The following AKAP4 variants were observed in gnomAD, a reference collection of about 807,000 sequenced individuals.
AKAP4 encodes A-kinase anchor protein 4.
A neutral mutation model predicts 42.6 loss-of-function variants in AKAP4; 4 were observed. That is an observed-to-expected ratio of 0.09 (90% CI 0.05 to 0.22). AKAP4 has a LOEUF of 0.22. AKAP4 is among the 10% of genes least tolerant of loss of function. The pLI, the probability that AKAP4 is intolerant of heterozygous loss-of-function variation, is 1.00. For missense variants in AKAP4, 551 were observed against 630.7 expected, an observed-to-expected ratio of 0.87 and a Z score of 1.35; for synonymous variants, 223 against 233.0, an observed-to-expected ratio of 0.96 and a Z score of 0.39.
rs1935153225 is a variant in AKAP4, at chrX:50,193,919, G to A, written c.794C>T (p.Thr265Ile). The A allele has an allele frequency of 8.3e-7, 1 of 1,211,950 alleles. No individual in the cohort carries two copies. Among genetic ancestry groups the A allele is most frequent in the African/African-American group, 1.7e-5 (1 of 57,897 alleles). ...PGNKERISPR[T>I]PASKIASEMA... ...TTCAGAAGCAATCTTGCTCGCAGGA[G>A]TTCGGGGACTGATTCTCTCTTTGTT... The change falls in exon 5 of 6, where the codon ACT becomes ATT. Residue 265 changes from threonine (T) to isoleucine (I), a missense_variant. By Grantham distance (89) the Thr-to-Ile change is moderately conservative. Coordinates refer to ENST00000358526, the MANE Select transcript of AKAP4 (RefSeq NM_003886.3).
chrX:50,193,090 G>T lies in AKAP4; in HGVS notation c.1623C>A (p.Ala541=). The T allele has an allele frequency of 8.3e-7, 1 of 1,211,775 alleles. No homozygotes were observed. The highest frequency in any genetic ancestry group is 1.8e-5 in the South Asian group (1 of 57,003). ...EKINASTDSL[A]KDLIVSALKL... is the part of the protein sequence containing the mutation. Reference sequence around the variant, plus strand: ...TAAGGGCAGAGACAATCAGGTCCTTGGCCAGTGAATCTGTGGAAGCATTGA... The same window carrying T: ...TAAGGGCAGAGACAATCAGGTCCTTTGCCAGTGAATCTGTGGAAGCATTGA... Residue 541 remains alanine (A), a synonymous_variant, in exon 5 of 6, where the codon GCC becomes GCA. Coordinates refer to ENST00000358526, the MANE Select transcript of AKAP4 (RefSeq NM_003886.3).
At chrX:50,191,162 G>A (rs1935104009) in intron 5 of AKAP4, 47 bp from the exon 6 acceptor site, 1 of 1,183,193 alleles carries the variant, frequency 8.5e-7, no homozygotes, top group Admixed American at 2.3e-5. Context: ...GCTTTTTGGA[G>A]GAAAGACCTG....
Position 50,192,621 on chromosome X carries a change from C to T in AKAP4, c.2092G>A (p.Asp698Asn). ...GMKQANGQFI[D>N]KLVESVMKLC... ...TTCATCACAGATTCTACTAGTTTAT[C>T]TATAAATTGCCCGTTCGCTTGCTTC... Residue 698 changes from aspartate to asparagine, a missense_variant, in exon 5 of 6, where the codon GAT becomes AAT. Physicochemically the swap from Asp to Asn is conservative, Grantham distance 23 (BLOSUM62 1). Coordinates refer to ENST00000358526, the MANE Select transcript of AKAP4 (RefSeq NM_003886.3). 8.3e-7 allele frequency: 1 copy of T among 1,211,358 alleles called. No individual in the cohort carries two copies. Among genetic ancestry groups the T allele is most frequent in the Non-Finnish European group, 1.1e-6 (1 of 895,544 alleles).
Position 50,196,957 on chromosome X carries a change from G to A in AKAP4, c.210C>T (p.Asn70=), listed in dbSNP as rs782180406. ...AASSSSEGNL[N]LGSLEEKEII... ...TCTCTTTTTCTTCCAGACTTCCCAG[G>A]TTTAAGTTGCCTTCTGAGCTGGAAC... Residue 70 remains asparagine (N), a synonymous_variant, in exon 4 of 6, where the codon AAC becomes AAT. Transcript: ENST00000358526. 7.4e-6 allele frequency: 9 copies of A among 1,209,174 alleles called. No individual in the cohort carries two copies. The highest frequency in any genetic ancestry group is 1.0e-5 in the Non-Finnish European group (9 of 893,320).
At chrX:50,195,664 A>G (rs782095188) in intron 4 of AKAP4, among the ~76,000 whole-genome samples, 18 of 111,700 alleles carry the variant, frequency 1.6e-4, no homozygotes, top group Non-Finnish European at 2.8e-4. Context: ...GTCATTGTTT[A>G]TGATCAGTTT....
Position 50,190,863 on chromosome X carries a change from T to C in AKAP4, c.*97A>G. 3 of 1,019,323 alleles carry C rather than the reference T, an allele frequency of 2.9e-6. No individual in the cohort carries two copies. The highest frequency in any genetic ancestry group is 4.0e-6 in the Non-Finnish European group (3 of 740,893). The allele number at this position is 1,019,323 out of a possible 1,213,427, so 84.0% of individuals were successfully genotyped here. On this transcript the variant is annotated 3_prime_UTR_variant, in exon 6 of 6. Coordinates refer to ENST00000358526, the MANE Select transcript of AKAP4 (RefSeq NM_003886.3). ...GCTCAAGTGTATTGGGAAATACAGT[T>C]GTGTATTGTGCAGTTGACTGGCCTG...
intron 5 of AKAP4, among the ~76,000 whole-genome samples, chrX:50,192,080 G>A (rs1412271583): frequency 9.0e-6 from 1 of 110,931 alleles, no homozygotes; most frequent in African/African-American, 3.3e-5. Context: ...GATGAAATGC[G>A]TTAATCTCAC....
At chrX:50,194,493 AT>A in intron 4 of AKAP4, 57 bp from the exon 5 acceptor site, 1 of 972,408 alleles carries the variant, frequency 1.0e-6, no homozygotes, top group Non-Finnish European at 1.4e-6. Flanking sequence ...TTTTTCCCTT[AT>A]TTTATTTAGA....
rs141513690 is a variant in AKAP4, at chrX:50,193,826, C to G, written c.887G>C (p.Gly296Ala). Residue 296 changes from glycine (G) to alanine (A), a missense_variant, in exon 5 of 6, where the codon GGT becomes GCT. Physicochemically the swap from Gly to Ala is moderately conservative, Grantham distance 60. Transcript: ENST00000358526. ...GCTATATAGAAAGCTTTTCTGGCCA[C>G]CTTCCCTGGACTCCTCTCCAGTGCC... Reference protein sequence around the residue: ...MRGTGEESREGGQKSFLYSEL... With the variant: ...MRGTGEESREAGQKSFLYSEL... 1.7e-6 allele frequency: 2 copies of G among 1,211,598 alleles called. No homozygotes were observed. The highest frequency in any genetic ancestry group is 1.1e-6 in the Non-Finnish European group (1 of 895,484).
rs781814079 is a variant in AKAP4 at position 50,193,396 on chromosome X, C to A, written c.1317G>T (p.Lys439Asn). 5 of 1,211,614 alleles carry A rather than the reference C, an allele frequency of 4.1e-6. No individual in the cohort carries two copies. Among genetic ancestry groups the A allele is most frequent in the Non-Finnish European group, 5.6e-6 (5 of 895,475 alleles). The change falls in exon 5 of 6, where the codon AAG becomes AAT. Residue 439 changes from lysine (K) to asparagine (N), a missense_variant. Coordinates refer to ENST00000358526, the MANE Select transcript of AKAP4 (RefSeq NM_003886.3). ...RLVSALIGEE[K>N]ETKSQSLSYA... ...ATGACAGACTCTGAGACTTAGTCTC[C>A]TTCTCCTCACCTATAAGGGCACTGA...
chrX:50,191,659 T>A (rs201108518), intron 5 of AKAP4, among the ~76,000 whole-genome samples: 9,176 of 43,337 alleles, frequency 0.21, 452 homozygotes, highest in Middle Eastern at 0.26. Context: ...TGTGTGTGTG[T>A]GAGAGAGAGA....
In AKAP4 at chrX:50,192,838, A is replaced by C; in HGVS notation, c.1875T>G (p.Asp625Glu). ...ENQHLDSQKM[D>E]MSNIVLMLIQ... ...TCAGCATTAGAACGATGTTTGACAT[A>C]TCCATTTTCTGGGAGTCCAGGTGTT... Residue 625 changes from aspartate to glutamate, a missense_variant, in exon 5 of 6, where the codon GAT (aspartate) becomes GAG (glutamate). Transcript: ENST00000358526. The C allele has an allele frequency of 8.3e-7, 1 of 1,211,801 alleles. No individual in the cohort carries two copies.
At chrX:50,198,881 G>A in intron 1 of AKAP4, 129 bp from the exon 2 acceptor site, 1 of 469,410 alleles carries the variant, frequency 2.1e-6, no homozygotes. Context: ...TTTAGGCTAG[G>A]AACTGGTGGG....
At position 50,194,356 on chromosome X, in the gene AKAP4, C is replaced by G. The variant is rs1935162281; in HGVS notation, c.357G>C (p.Gln119His). 1 of 1,209,488 alleles carries G rather than the reference C, an allele frequency of 8.3e-7. No individual in the cohort carries two copies. The highest frequency in any genetic ancestry group is 1.1e-6 in the Non-Finnish European group (1 of 894,929). Reference protein sequence around the residue: ...SVLNWLLSDLQKYALGFQHAL... With the variant: ...SVLNWLLSDLHKYALGFQHAL... Reference sequence around the variant, plus strand: ...CATGTTGGAAACCCAAGGCATACTTCTGGAGATCACTGAGAAGCCAGTTGA... The same window carrying G: ...CATGTTGGAAACCCAAGGCATACTTGTGGAGATCACTGAGAAGCCAGTTGA... The change falls in exon 5 of 6, where the codon CAG (glutamine) becomes CAC (histidine). Residue 119 changes from glutamine to histidine, a missense_variant. Transcript: ENST00000358526.
In AKAP4 at chrX:50,196,991, T is replaced by A. The variant is rs1557204430; in HGVS notation, c.176A>T (p.Asp59Val). The stretch of plus-strand genomic sequence containing the variant: ...GCCTTCTGAGCTGGAACTAGCAGCA[T>A]CCTATGGAATTAAAGGGTGAGATTC... ...TLNVEDKDYK[D>V]AASSSSEGNL... Residue 59 changes from aspartate (D) to valine (V), a missense_variant and splice_region_variant, in exon 4 of 6, where the codon GAT becomes GTT. Coordinates refer to ENST00000358526, the MANE Select transcript of AKAP4 (RefSeq NM_003886.3). 2.5e-6 allele frequency: 3 copies of A among 1,181,703 alleles called. No individual in the cohort carries two copies. Among genetic ancestry groups the A allele is most frequent in the Admixed American group, 4.3e-5 (2 of 46,002 alleles).
At chrX:50,199,695 C>A (rs782315869) in intron 1 of AKAP4, among the ~76,000 whole-genome samples, 31 of 107,189 alleles carry the variant, frequency 2.9e-4, no homozygotes, top group African/African-American at 5.4e-4. Context: ...CAAGAGAAAT[C>A]CTTTTTGCCA....
chrX:50,193,710 C>T lies in AKAP4; in HGVS notation c.1003G>A (p.Val335Ile), dbSNP rs1318155182. 63 of 1,209,768 alleles carry T rather than the reference C, an allele frequency of 5.2e-5. No homozygotes were observed. Among genetic ancestry groups the T allele is most frequent in the Non-Finnish European group, 6.8e-5 (61 of 895,115 alleles). ...FADSISKGLM[V>I]YANQVASDMM... ...TCAGATGCCACCTGATTTGCATAAA[C>T]CATGAGCCCCTTGCTGATGGAATCT... Residue 335 changes from valine (V) to isoleucine (I), a missense_variant, in exon 5 of 6, where the codon GTT (valine) becomes ATT (isoleucine). By Grantham distance (29) the Val-to-Ile change is conservative (BLOSUM62 3). Coordinates refer to ENST00000358526, the MANE Select transcript of AKAP4 (RefSeq NM_003886.3).
intron 5 of AKAP4, among the ~76,000 whole-genome samples, chrX:50,191,613 C>G (rs1472412005): frequency 2.1e-5 from 2 of 94,297 alleles, no homozygotes; most frequent in Non-Finnish European, 4.1e-5. Flanking sequence ...ACTCAGCTGT[C>G]AGATAGGTGT....
rs149949899 is a variant in AKAP4, at chrX:50,197,578, A to C, written c.140T>G (p.Val47Gly). Residue 47 changes from valine to glycine, a missense_variant, in exon 3 of 6, where the codon GTG becomes GGG. Val to Gly is a moderately radical substitution (Grantham distance 109). Transcript: ENST00000358526. ...TTTATCTTCTACATTCAGGGTGGACACATCGACAAAGCATATCTGCATCAA... is the reference window on the plus strand; with the variant it reads ...TTTATCTTCTACATTCAGGGTGGACCCATCGACAAAGCATATCTGCATCAA... ...QDRKVICFVD[V>G]STLNVEDKDY... 8.3e-7 allele frequency: 1 copy of C among 1,206,940 alleles called. No homozygotes were observed. The highest frequency in any genetic ancestry group is 2.2e-5 in the Admixed American group (1 of 45,880).
Sources: allele counts gnomAD v4.1 joint callset (sites outside exome capture counted in the v4.1 genomes callset), GRCh38; gene constraint gnomAD v4.1.1; transcripts MANE v1.5; gene names NCBI Gene and HGNC (gene_info 2026-07-23, HGNC 2026-07-21).